DSCAM: variants seen among roughly 807,000 people sequenced by gnomAD.
DSCAM encodes cell adhesion molecule DSCAM.
DSCAM carries 47 observed loss-of-function variants against 217.7 expected under a neutral mutation model. That is an observed-to-expected ratio of 0.22 (90% CI 0.17 to 0.28). The LOEUF is 0.28. Among genes scored for constraint, DSCAM ranks in the 10% least tolerant of loss-of-function variants. The probability of loss-of-function intolerance (pLI) is 1.00; values close to 1 mark genes in which losing one functional copy is unlikely to be tolerated. For synonymous variants in DSCAM, 1,056 were observed against 1,015.3 expected (o/e 1.04, Z -0.76); for missense variants, 2,080 against 2,618.3 (o/e 0.79, Z 4.49).
intron 3 of DSCAM, among the ~76,000 whole-genome samples, chr21:40,579,483 A>T (rs1243727552): frequency 2.0e-5 from 3 of 152,194 alleles, no homozygotes; most frequent in Non-Finnish European, 4.4e-5. Context: ...AAGAAGAGAC[A>T]ATATTTGAAG....
chr21:40,711,499 CA>C (rs1030676888), intron 1 of DSCAM, among the ~76,000 whole-genome samples: 3 of 152,318 alleles, frequency 2.0e-5, no homozygotes, highest in Non-Finnish European at 4.4e-5. Flanking sequence ...AGCATTGGCA[CA>C]AGGCTGAATA....
chr21:40,481,968 G>C (rs2075987084), intron 3 of DSCAM, among the ~76,000 whole-genome samples: 1 of 152,216 alleles, frequency 6.6e-6, no homozygotes, highest in South Asian at 2.1e-4. Context: ...CACCCATAGA[G>C]GCGATTCGCC....
chr21:40,590,477 G>C (rs1396924110), intron 3 of DSCAM, among the ~76,000 whole-genome samples: 1 of 152,194 alleles, frequency 6.6e-6, no homozygotes, highest in Non-Finnish European at 1.5e-5. Context: ...TCTGACTTCA[G>C]ATTCCTCATG....
At chr21:40,359,166 G>A (rs58768768) in intron 4 of DSCAM, among the ~76,000 whole-genome samples, 9,673 of 152,194 alleles carry the variant, frequency 0.064, 378 homozygotes, top group East Asian at 0.2. Flanking sequence ...TTCATACATC[G>A]TTGGTGGAAG....
chr21:40,556,762 T>C (rs1383772637), intron 3 of DSCAM, among the ~76,000 whole-genome samples: 1 of 152,150 alleles, frequency 6.6e-6, no homozygotes, highest in East Asian at 1.9e-4. Flanking sequence ...CTATTTATGA[T>C]GGATCCACCC....
intron 11 of DSCAM, among the ~76,000 whole-genome samples, chr21:40,195,331 G>C (rs974876348): frequency 6.6e-6 from 1 of 151,988 alleles, no homozygotes; most frequent in Non-Finnish European, 1.5e-5. Context: ...TGGTTCTGCT[G>C]AAAAGAAAAC....
intron 4 of DSCAM, among the ~76,000 whole-genome samples, chr21:40,362,229 A>G (rs1022348011): frequency 6.6e-6 from 1 of 152,164 alleles, no homozygotes; most frequent in African/African-American, 2.4e-5. Context: ...GCCGCAATAA[A>G]CATACGTGTG....
chr21:40,464,094 A>G (rs1443941657), intron 3 of DSCAM, among the ~76,000 whole-genome samples: 1 of 152,154 alleles, frequency 6.6e-6, no homozygotes, highest in Non-Finnish European at 1.5e-5. Flanking sequence ...TCATGATTTT[A>G]CCATCCACAT....
chr21:40,368,992 TG>T, intron 4 of DSCAM, 106 bp downstream of exon 4: 1 of 1,281,982 alleles, frequency 7.8e-7, no homozygotes, highest in Non-Finnish European at 1.0e-6. Flanking sequence ...GAAAAGGAAT[TG>T]AAGGCTCCAT....
intron 27 of DSCAM, among the ~76,000 whole-genome samples, chr21:40,069,838 C>T (rs1021141484): frequency 5.3e-5 from 8 of 152,176 alleles, no homozygotes; most frequent in Non-Finnish European, 8.8e-5. Flanking sequence ...TTCCAATCAT[C>T]ACAATGCTCA....
rs1445303392 is a variant in DSCAM at position 40,124,293 on chromosome 21, C to G, written c.3598G>C (p.Ala1200Pro). The change falls in exon 20 of 33, where the codon GCC becomes CCC. Residue 1200 changes from alanine (A) to proline (P), a missense_variant. Ala to Pro is a conservative substitution (Grantham distance 27). This residue lies in a region of DSCAM where 1,144 missense variants were observed against 1,421.1 expected (regional missense o/e 0.81). Transcript: ENST00000400454. ...GACACAAAGACCATGGAGGCTGAGGCCGCCGCTGCCTTCACACCCGCGGGA... is the reference window on the plus strand; with the variant it reads ...GACACAAAGACCATGGAGGCTGAGGGCGCCGCTGCCTTCACACCCGCGGGA... ...GPPAGVKAAAASASMVFVSWL... is the reference protein window; with the variant it reads ...GPPAGVKAAAPSASMVFVSWL... 2.5e-6 allele frequency: 4 copies of G among 1,613,944 alleles called. No homozygotes were observed. Among genetic ancestry groups the G allele is most frequent in the Non-Finnish European group, 3.4e-6 (4 of 1,180,014 alleles).
At chr21:40,562,584 T>C (rs536436958) in intron 3 of DSCAM, among the ~76,000 whole-genome samples, 3 of 152,328 alleles carry the variant, frequency 2.0e-5, no homozygotes, top group Admixed American at 2.0e-4. Flanking sequence ...CACATCATCA[T>C]CTCTTCCTGA....
chr21:40,417,631 T>C (rs1763564640), intron 3 of DSCAM, among the ~76,000 whole-genome samples: 1 of 152,212 alleles, frequency 6.6e-6, no homozygotes, highest in South Asian at 2.1e-4. Flanking sequence ...ATTGCTATAG[T>C]ATGGAATTTA....
chr21:40,642,434 G>C (rs1373880970), intron 3 of DSCAM, among the ~76,000 whole-genome samples: 2 of 152,188 alleles, frequency 1.3e-5, no homozygotes, highest in Non-Finnish European at 2.9e-5. Context: ...ACACCGGAAA[G>C]AGCCATGGTT....
rs534019723 is a variant in DSCAM at position 40,224,387 on chromosome 21, G to A, written c.2357-35149C>T. Among the ~76,000 whole-genome samples, 29 of 152,314 alleles carry A rather than the reference G, an allele frequency of 1.9e-4. No individual in the cohort carries two copies. The South Asian group carries it at 6.0e-3, about 32-fold the overall frequency. ...TTCTTAGTCAATTGTTTAAGTGAAT[G>A]TTGAGAAGAAATGAAAGAAAGATGT... On this transcript the variant is annotated intron_variant, in intron 11 of 32. Transcript: ENST00000400454.
intron 30 of DSCAM, 52 bp from the exon 31 acceptor site, chr21:40,044,327 C>T: frequency 6.4e-7 from 1 of 1,563,106 alleles, no homozygotes; most frequent in African/African-American, 1.3e-5. Flanking sequence ...GTGTGGTCAG[C>T]TGAGAGCAAG....
At chr21:40,700,822 C>T (rs2090648416) in intron 2 of DSCAM, among the ~76,000 whole-genome samples, 1 of 150,628 alleles carries the variant, frequency 6.6e-6, no homozygotes, top group East Asian at 2.0e-4. Flanking sequence ...CTGTAACCTT[C>T]GCCTCCTGGG....
At chr21:40,705,375 T>C (rs2090701828) in intron 2 of DSCAM, among the ~76,000 whole-genome samples, 1 of 152,066 alleles carries the variant, frequency 6.6e-6, no homozygotes, top group Non-Finnish European at 1.5e-5. Context: ...GTCTTGAAAA[T>C]GGTTGCTTCA....
At chr21:40,332,593 G>A (rs2074388757) in intron 8 of DSCAM, among the ~76,000 whole-genome samples, 1 of 152,120 alleles carries the variant, frequency 6.6e-6, no homozygotes, top group Non-Finnish European at 1.5e-5. Flanking sequence ...AGTTCAATGT[G>A]GCACCTAAAA....
Sources: allele counts gnomAD v4.1 joint callset (sites outside exome capture counted in the v4.1 genomes callset), GRCh38; gene constraint gnomAD v4.1.1; regional missense constraint gnomAD v4.1.1; transcripts MANE v1.5; gene names NCBI Gene and HGNC (gene_info 2026-07-23, HGNC 2026-07-21).